HDAC9: variants seen among roughly 807,000 people sequenced by gnomAD.
The protein encoded by HDAC9 is MEF-2 interacting transcription repressor (MITR) protein.
Under a neutral mutation model 139.4 loss-of-function variants are expected in HDAC9, and 41 were observed. The ratio of observed to expected loss-of-function variants is 0.29; its 90% CI spans 0.23 to 0.38. HDAC9 has a LOEUF of 0.38. Ranked by LOEUF, HDAC9 falls within the 10% of genes least tolerant of loss-of-function variation. HDAC9 has a pLI of 1.00. For synonymous variants in HDAC9, 517 were observed against 476.2 expected (o/e 1.09, Z -1.12); for missense variants, 1,147 against 1,297.0 (o/e 0.88, Z 1.78).
At chr7:18,640,105 G>C (rs1394083225) in intron 8 of HDAC9, among the ~76,000 whole-genome samples, 2 of 151,786 alleles carry the variant, frequency 1.3e-5, no homozygotes, top group African/African-American at 4.8e-5. Flanking sequence ...TTTAAAATGT[G>C]AGTGATTACT....
At chr7:18,202,562 A>G (rs1791210804) in intron 2 of HDAC9, among the ~76,000 whole-genome samples, 1 of 152,232 alleles carries the variant, frequency 6.6e-6, no homozygotes, top group African/African-American at 2.4e-5. Context: ...GGCCATTTAG[A>G]TAAAAAAGAT....
At chr7:18,574,830 G>A (rs1279106014) in intron 2 of HDAC9, among the ~76,000 whole-genome samples, 1 of 152,268 alleles carries the variant, frequency 6.6e-6, no homozygotes, top group Non-Finnish European at 1.5e-5. Flanking sequence ...AGCATGGAGA[G>A]GCCAGGCAGC....
chr7:18,739,223 G>C (rs759704407), intron 13 of HDAC9, among the ~76,000 whole-genome samples: 2 of 152,158 alleles, frequency 1.3e-5, no homozygotes, highest in African/African-American at 2.4e-5. Context: ...CTTTAGCTCA[G>C]AGATGTTTGT....
intron 8 of HDAC9, among the ~76,000 whole-genome samples, chr7:18,642,399 G>T (rs116437457): frequency 0.016 from 2,438 of 152,178 alleles, 73 homozygotes; most frequent in African/African-American, 0.055. Context: ...AGCAGTGGCT[G>T]CAGAGTCATA....
intron 2 of HDAC9, among the ~76,000 whole-genome samples, chr7:18,272,251 A>T (rs952230353): frequency 6.6e-6 from 1 of 152,168 alleles, no homozygotes; most frequent in Non-Finnish European, 1.5e-5. Flanking sequence ...GTGCTTTCCT[A>T]TTTGAAAGCA....
intron 1 of HDAC9, among the ~76,000 whole-genome samples, chr7:18,116,886 A>AGTG: frequency 6.6e-6 from 1 of 152,300 alleles, no homozygotes; most frequent in East Asian, 1.9e-4. Context: ...TGATACAGTG[A>AGTG]GTGGGAAATT....
At chr7:18,766,969 C>A in intron 15 of HDAC9, 137 bp from the exon 16 acceptor site, 1 of 462,942 alleles carries the variant, frequency 2.2e-6, no homozygotes, top group Non-Finnish European at 3.9e-6. Context: ...AATAATTGGT[C>A]TGAAGTTTTA....
chr7:18,191,731 C>T (rs957245048), intron 2 of HDAC9, among the ~76,000 whole-genome samples: 1 of 152,126 alleles, frequency 6.6e-6, no homozygotes, highest in African/African-American at 2.4e-5. Flanking sequence ...TTCTTTGATA[C>T]TTATGAATTG....
chr7:18,531,483 C>T (rs1179222902), intron 2 of HDAC9, among the ~76,000 whole-genome samples: 1 of 151,486 alleles, frequency 6.6e-6, no homozygotes, highest in Non-Finnish European at 1.5e-5. Flanking sequence ...TAATTAAGAA[C>T]CAAATGAGAA....
intron 1 of HDAC9, among the ~76,000 whole-genome samples, chr7:18,345,863 A>C (rs1044242471): frequency 1.3e-5 from 2 of 151,792 alleles, no homozygotes; most frequent in African/African-American, 4.8e-5. Context: ...GGCCTCTGGC[A>C]TGCATTAGAG....
At chr7:18,347,954 A>G (rs1261516250) in intron 1 of HDAC9, among the ~76,000 whole-genome samples, 2 of 152,172 alleles carry the variant, frequency 1.3e-5, no homozygotes, top group Non-Finnish European at 2.9e-5. Context: ...TTTGAAATAG[A>G]TAAAGGGTTG....
At chr7:18,926,185 T>TA (rs898768532) in intron 22 of HDAC9, among the ~76,000 whole-genome samples, 10 of 152,002 alleles carry the variant, frequency 6.6e-5, no homozygotes, top group African/African-American at 9.6e-5. Context: ...CCTGTCCTTA[T>TA]AAAAAAAATT....
At chr7:18,249,695 C>G (rs1383984352) in intron 2 of HDAC9, among the ~76,000 whole-genome samples, 1 of 151,892 alleles carries the variant, frequency 6.6e-6, no homozygotes, top group Non-Finnish European at 1.5e-5. Context: ...AAAGGTATTT[C>G]CATTTTTTTC....
intron 21 of HDAC9, among the ~76,000 whole-genome samples, chr7:18,862,461 ATATCTTGAG>A (rs985384471): frequency 6.6e-6 from 1 of 152,248 alleles, no homozygotes; most frequent in Non-Finnish European, 1.5e-5. Context: ...CAGAAATTGA[ATATCTTGAG>A]TTGGAATCAA....
chr7:18,385,158 A>AT (rs1420805332), intron 1 of HDAC9, among the ~76,000 whole-genome samples: 1 of 152,178 alleles, frequency 6.6e-6, no homozygotes, highest in Non-Finnish European at 1.5e-5. Flanking sequence ...AGAACCCTTA[A>AT]TTCTATGTGT....
intron 2 of HDAC9, among the ~76,000 whole-genome samples, chr7:18,167,196 T>G (rs576122795): frequency 1.3e-5 from 2 of 151,440 alleles, no homozygotes; most frequent in African/African-American, 2.4e-5. Flanking sequence ...GTTTTGGATT[T>G]TTTTTTTTTT....
chr7:18,455,549 A>G (rs1053553497), intron 1 of HDAC9, among the ~76,000 whole-genome samples: 1 of 152,226 alleles, frequency 6.6e-6, no homozygotes, highest in Non-Finnish European at 1.5e-5. Flanking sequence ...AGTGTTGATT[A>G]TAATCGTATT....
Position 18,537,800 on chromosome 7 carries a change from C to G in HDAC9, c.22+41476C>G, listed in dbSNP as rs1811388565. ...AGAGATGTAGCTAATGTCTGAGTAT[C>G]TACTTAGTGGCCACAGACATTGAAA... On this transcript the variant is annotated intron_variant, in intron 2 of 25. Coordinates refer to ENST00000686413, the MANE Select transcript of HDAC9 (RefSeq NM_178425.4). Among the ~76,000 whole-genome samples the G allele has an allele frequency of 2.6e-5, 4 of 152,202 alleles. No individual in the cohort carries two copies. The South Asian group carries it at 8.3e-4, about 32-fold the overall frequency.
At chr7:18,813,808 T>C (rs1343605494) in intron 17 of HDAC9, among the ~76,000 whole-genome samples, 1 of 152,140 alleles carries the variant, frequency 6.6e-6, no homozygotes, top group Non-Finnish European at 1.5e-5. Context: ...CTTAAAAACT[T>C]TGGGTGAAGT....
Sources: gnomAD v4.1 joint callset for allele counts (sites outside exome capture counted in the v4.1 genomes callset) on GRCh38, gnomAD v4.1.1 for gene constraint, MANE v1.5 for transcripts, NCBI Gene and HGNC (gene_info 2026-07-23, HGNC 2026-07-21) for gene names.